MPP7: variants seen among roughly 807,000 people sequenced by gnomAD.
MPP7 encodes the protein MAGUK p55 subfamily member 7.
Under a neutral mutation model 76.5 loss-of-function variants are expected in MPP7, and 60 were observed. The ratio of observed to expected loss-of-function variants is 0.78; its 90% CI spans 0.64 to 0.97. The LOEUF is 0.97. Ranked by LOEUF, MPP7 falls within the 50% of genes least tolerant of loss-of-function variation. MPP7 has a pLI of 0.00. For synonymous variants in MPP7, 237 were observed against 244.5 expected (o/e 0.97, Z 0.29); for missense variants, 641 against 694.0 (o/e 0.92, Z 0.86).
chr10:28,285,926 A>C (rs1029237927), intron 1 of MPP7, among the ~76,000 whole-genome samples: 6 of 152,046 alleles, frequency 3.9e-5, no homozygotes, highest in African/African-American at 1.5e-4. Context: ...TCTCTTTGTG[A>C]TTATCTTCAT....
At chr10:28,311,486 G>A (rs879154335) in intron 2 of MPP7, among the ~76,000 whole-genome samples, 13 of 152,254 alleles carry the variant, frequency 8.5e-5, no homozygotes, top group Admixed American at 1.3e-4. Flanking sequence ...TGATAATTAC[G>A]TAAATGCTGG....
intron 11 of MPP7, among the ~76,000 whole-genome samples, chr10:28,098,348 A>C (rs1451678252): frequency 6.6e-6 from 1 of 151,954 alleles, no homozygotes; most frequent in African/African-American, 2.4e-5. Context: ...CATCATACTT[A>C]CACTATGAGT....
Position 28,199,879 on chromosome 10 carries a change from AACACAC to A in MPP7, c.156+2268_156+2273del, listed in dbSNP as rs3064104. Among the ~76,000 whole-genome samples, 981 of 148,940 alleles carry A rather than the reference AACACAC, an allele frequency of 6.6e-3. 1 individual carries two copies. Among genetic ancestry groups the A allele is most frequent in the Admixed American group, 0.011 (165 of 14,930 alleles). On this transcript the variant is annotated intron_variant, in intron 3 of 16. Coordinates refer to ENST00000683449, the MANE Select transcript of MPP7 (RefSeq NM_001318170.2). The stretch of plus-strand genomic sequence containing the variant: ...TGAACCACTGCACTCAGCCCATTTA[AACACAC>A]ACACACACACACACACACACGATCA...
At chr10:28,098,529 T>A (rs1853672745) in intron 11 of MPP7, among the ~76,000 whole-genome samples, 1 of 146,520 alleles carries the variant, frequency 6.8e-6, no homozygotes, top group South Asian at 2.1e-4. Context: ...CTAGATTATA[T>A]AATTATATAA....
chr10:28,185,013 C>A (rs1837186726), intron 3 of MPP7, among the ~76,000 whole-genome samples: 1 of 145,726 alleles, frequency 6.9e-6, no homozygotes, highest in South Asian at 2.1e-4. Context: ...ATTATTATAT[C>A]ATATATAGTA....
At chr10:28,198,432 G>C (rs554574703) in intron 3 of MPP7, among the ~76,000 whole-genome samples, 1 of 152,000 alleles carries the variant, frequency 6.6e-6, no homozygotes, top group South Asian at 2.1e-4. Flanking sequence ...AAAATTAGCC[G>C]GGACTGGTGA....
At chr10:28,243,880 C>CAT (rs1839350403) in intron 1 of MPP7, among the ~76,000 whole-genome samples, 1 of 152,150 alleles carries the variant, frequency 6.6e-6, no homozygotes, top group Non-Finnish European at 1.5e-5. Flanking sequence ...TTTGTGTTAA[C>CAT]ATGAAGCAAA....
chr10:28,276,800 G>C (rs1473207182), intron 1 of MPP7, among the ~76,000 whole-genome samples: 2 of 152,060 alleles, frequency 1.3e-5, no homozygotes, highest in Non-Finnish European at 2.9e-5. Flanking sequence ...AAGAACAATG[G>C]GATCTGGGTA....
chr10:28,230,772 T>G (rs1054357031), intron 2 of MPP7, among the ~76,000 whole-genome samples: 1 of 152,152 alleles, frequency 6.6e-6, no homozygotes. Context: ...GCCAAGATCA[T>G]GCCACTGCAT....
chr10:28,056,752 C>T, intron 15 of MPP7, 129 bp from the exon 16 acceptor site: 1 of 689,770 alleles, frequency 1.4e-6, no homozygotes, highest in Non-Finnish European at 2.2e-6. Context: ...TATTATTATT[C>T]AATTAACTGT....
At position 28,151,720 on chromosome 10, in the gene MPP7, A is replaced by G. The variant is rs75874608; in HGVS notation, c.157-1661T>C. ...GGACCATCTCATTTTACAGATAAAT[A>G]GGAGTTAAACAAGTTGCTATGTTCT... On this transcript the variant is annotated intron_variant, in intron 3 of 16. Coordinates refer to ENST00000683449, the MANE Select transcript of MPP7 (RefSeq NM_001318170.2). 3.4e-3 allele frequency among the ~76,000 whole-genome samples: 517 copies of G among 152,356 alleles called. 1 individual carries two copies. Among genetic ancestry groups the G allele is most frequent in the African/African-American group, 0.011 (452 of 41,588 alleles).
intron 1 of MPP7, among the ~76,000 whole-genome samples, chr10:28,267,761 C>A (rs531688977): frequency 6.6e-6 from 1 of 152,244 alleles, no homozygotes; most frequent in South Asian, 2.1e-4. Context: ...ACGAGCCAGG[C>A]ACGATGGCTC....
intron 5 of MPP7, among the ~76,000 whole-genome samples, chr10:28,140,895 C>T (rs1835494870): frequency 6.6e-6 from 1 of 152,144 alleles, no homozygotes; most frequent in Non-Finnish European, 1.5e-5. Flanking sequence ...AATTCCAACA[C>T]ATAGTAAAAT....
chr10:28,074,953 A>C (rs1852417640), intron 12 of MPP7, among the ~76,000 whole-genome samples: 1 of 152,168 alleles, frequency 6.6e-6, no homozygotes, highest in Non-Finnish European at 1.5e-5. Context: ...ATTTATAAGG[A>C]AAAGAGGTTT....
chr10:28,155,638 T>TAGGA (rs1836035385), intron 3 of MPP7, among the ~76,000 whole-genome samples: 1 of 144,444 alleles, frequency 6.9e-6, no homozygotes, highest in South Asian at 2.2e-4. Context: ...CATTAAAGAA[T>TAGGA]AGGAGACCCT....
intron 12 of MPP7, among the ~76,000 whole-genome samples, chr10:28,080,776 G>T (rs529886609): frequency 2.0e-5 from 3 of 152,256 alleles, no homozygotes; most frequent in South Asian, 2.1e-4. Context: ...ACATACAAGG[G>T]TTATAATTTT....
chr10:28,120,600 T>G lies in MPP7; in HGVS notation c.684A>C (p.Glu228Asp), dbSNP rs1834804675. The G allele has an allele frequency of 1.2e-6, 2 of 1,613,670 alleles. No homozygotes were observed. The highest frequency in any genetic ancestry group is 2.7e-5 in the African/African-American group (2 of 75,040). The change falls in exon 9 of 17, where the codon GAA (glutamate) becomes GAC (aspartate). Residue 228 changes from glutamate to aspartate, a missense_variant. Transcript: ENST00000683449. Reference protein sequence around the residue: ...PGSKEETPSKEGKMFIKALFD... With the variant: ...PGSKEETPSKDGKMFIKALFD... ...GTTTTTAAGCAATAATTACCTTGCC[T>G]TCTTTTGATGGTGTCTCCTCTTTGC...
At chr10:28,073,022 T>C (rs1040131948) in intron 12 of MPP7, among the ~76,000 whole-genome samples, 18 of 152,138 alleles carry the variant, frequency 1.2e-4, no homozygotes, top group African/African-American at 4.3e-4. Context: ...AGCAGTAACA[T>C]CACGCATTCC....
At chr10:28,168,504 A>G (rs1437174767) in intron 3 of MPP7, among the ~76,000 whole-genome samples, 1 of 151,942 alleles carries the variant, frequency 6.6e-6, no homozygotes, top group East Asian at 1.9e-4. Context: ...GTCGAAAGAT[A>G]TTCTTTTACC....
Sources: allele counts gnomAD v4.1 joint callset (sites outside exome capture counted in the v4.1 genomes callset), GRCh38; gene constraint gnomAD v4.1.1; transcripts MANE v1.5; gene names NCBI Gene and HGNC (gene_info 2026-07-23, HGNC 2026-07-21).